Variants in RALGPS1 observed in about 807,000 individuals in gnomAD.
RALGPS1 encodes the protein Ral GEF with PH domain and SH3 binding motif 1, also known as ras-specific guanine nucleotide-releasing factor RalGPS1.
A neutral mutation model predicts 78.8 loss-of-function variants in RALGPS1; 19 were observed. The observed-to-expected ratio is 0.24, with a 90% CI of 0.17 to 0.35. The LOEUF (loss-of-function observed/expected upper bound fraction) is 0.35. Ranked by LOEUF, RALGPS1 falls within the 10% of genes least tolerant of loss-of-function variation. The pLI is 1.00. For synonymous variants in RALGPS1, 228 were observed against 256.3 expected (o/e 0.89, Z 1.06); for missense variants, 454 against 688.3 (o/e 0.66, Z 3.81).
At chr9:127,178,393 A>C (rs976315232) in intron 11 of RALGPS1, 3 of 886,892 alleles carry the variant, frequency 3.4e-6, no homozygotes, top group Non-Finnish European at 4.2e-6. Context: ...CAGTGTCTCT[A>C]TCTGTAAAGT....
At position 127,186,606 on chromosome 9, in the gene RALGPS1, C is replaced by T. The variant is rs545819071; in HGVS notation, c.911-8485C>T. ...AGGGTGTCACTTACTGGCAGAGAGG[C>T]CCCCCATCCCTGGGGCCCAGTTGAA... On this transcript the variant is annotated intron_variant, in intron 11 of 18. Coordinates refer to ENST00000259351, the MANE Select transcript of RALGPS1 (RefSeq NM_014636.3). 3.3e-5 allele frequency among the ~76,000 whole-genome samples: 5 copies of T among 152,292 alleles called. No homozygotes were observed. The East Asian group carries it at 7.7e-4, about 24-fold the overall frequency.
chr9:126,939,652 A>C (rs1234554418), intron 1 of RALGPS1, among the ~76,000 whole-genome samples: 1 of 152,248 alleles, frequency 6.6e-6, no homozygotes, highest in East Asian at 1.9e-4. Context: ...GGTAGATGGC[A>C]GAGCAGGATT....
intron 4 of RALGPS1, among the ~76,000 whole-genome samples, chr9:127,008,670 C>T (rs1041882276): frequency 1.3e-5 from 2 of 152,136 alleles, no homozygotes; most frequent in East Asian, 1.9e-4. Flanking sequence ...ATGGTACAGA[C>T]GGAGCTGGGT....
chr9:126,934,565 C>G (rs2036088234), intron 1 of RALGPS1, among the ~76,000 whole-genome samples: 1 of 152,200 alleles, frequency 6.6e-6, no homozygotes, highest in Non-Finnish European at 1.5e-5. Context: ...TTCAGGGCAT[C>G]AGGCAGCCTC....
intron 1 of RALGPS1, among the ~76,000 whole-genome samples, chr9:126,948,318 C>G (rs1277103878): frequency 6.6e-6 from 1 of 152,114 alleles, no homozygotes; most frequent in African/African-American, 2.4e-5. Context: ...GAGTTTAAGA[C>G]CAGCCTGGCC....
At chr9:127,097,415 A>G (rs1478012143) in intron 8 of RALGPS1, among the ~76,000 whole-genome samples, 3 of 152,234 alleles carry the variant, frequency 2.0e-5, no homozygotes, top group Non-Finnish European at 4.4e-5. Context: ...CATGACAATC[A>G]GGCCCCATTA....
intron 4 of RALGPS1, among the ~76,000 whole-genome samples, chr9:127,026,961 G>A (rs1415580980): frequency 1.3e-5 from 2 of 152,122 alleles, no homozygotes; most frequent in Non-Finnish European, 2.9e-5. Flanking sequence ...CAGCGGGTGG[G>A]GGTGCTGGCT....
intron 4 of RALGPS1, among the ~76,000 whole-genome samples, chr9:127,028,362 G>C (rs1273596654): frequency 6.6e-6 from 1 of 152,236 alleles, no homozygotes; most frequent in African/African-American, 2.4e-5. Flanking sequence ...CAAATTACCT[G>C]CTTGTTACAT....
At chr9:127,003,634 G>A (rs1198205928) in intron 4 of RALGPS1, among the ~76,000 whole-genome samples, 2 of 151,960 alleles carry the variant, frequency 1.3e-5, no homozygotes, top group Non-Finnish European at 2.9e-5. Context: ...TGGCTCGTAA[G>A]GTGTGTGTAT....
intron 8 of RALGPS1, 192 bp downstream of exon 8, chr9:127,069,548 T>C (rs1257887706): frequency 7.0e-6 from 4 of 570,882 alleles, no homozygotes; most frequent in South Asian, 6.5e-5. Context: ...TAGGGTGATA[T>C]ACAAGTGATG....
Position 127,069,605 on chromosome 9 carries a change from C to G in RALGPS1, c.610+249C>G, listed in dbSNP as rs567799295. Reference sequence around the variant, plus strand: ...CCTGTGGGCCCCAGGGTTCCCCAGGCTGCAGCCCAGATGGGTCACAATGAG... The same window carrying G: ...CCTGTGGGCCCCAGGGTTCCCCAGGGTGCAGCCCAGATGGGTCACAATGAG... On this transcript the variant is annotated intron_variant, in intron 8 of 18. Transcript: ENST00000259351. 1.3e-4 allele frequency: 55 copies of G among 410,276 alleles called. No individual in the cohort carries two copies. The South Asian group carries it at 1.4e-3, about 11-fold the overall frequency. The allele number at this position is 410,276 out of a possible 1,614,324, so 25.4% of individuals were successfully genotyped here.
intron 1 of RALGPS1, among the ~76,000 whole-genome samples, chr9:126,929,159 G>A (rs1016648094): frequency 5.3e-5 from 8 of 152,150 alleles, no homozygotes; most frequent in Non-Finnish European, 1.2e-4. Context: ...TATAATAAAT[G>A]TTTGAAATGA....
chr9:127,080,814 A>T (rs1007135225), intron 8 of RALGPS1, among the ~76,000 whole-genome samples: 1 of 152,252 alleles, frequency 6.6e-6, no homozygotes, highest in African/African-American at 2.4e-5. Context: ...CATGATGCTC[A>T]AAGAAAAGCC....
intron 4 of RALGPS1, among the ~76,000 whole-genome samples, chr9:127,012,201 T>C (rs530842569): frequency 3.9e-5 from 6 of 152,374 alleles, no homozygotes; most frequent in Admixed American, 1.3e-4. Context: ...GTGGAAAATA[T>C]GAAGTTTTTG....
At position 127,115,000 on chromosome 9, in the gene RALGPS1, G is replaced by A. The variant is rs543453747; in HGVS notation, c.610+45644G>A. 2.0e-5 allele frequency among the ~76,000 whole-genome samples: 3 copies of A among 152,324 alleles called. No individual in the cohort carries two copies. In the South Asian group the frequency reaches 6.2e-4, roughly 32 times the overall value. The stretch of plus-strand genomic sequence containing the variant: ...CCAGTTGGTAATCCAAGATGTGGGA[G>A]GGATCCAGATGAAGGAAAAGGCCCA... On this transcript the variant is annotated intron_variant, in intron 8 of 18. Transcript: ENST00000259351.
chr9:127,196,340 CT>C (rs2061346297), intron 12 of RALGPS1, 133 bp from the exon 13 acceptor site: 1 of 960,978 alleles, frequency 1.0e-6, no homozygotes, highest in South Asian at 1.7e-5. Flanking sequence ...AGGACAGAGC[CT>C]GGGCTGTACC....
chr9:126,928,851 C>T (rs1372973789), intron 1 of RALGPS1, among the ~76,000 whole-genome samples: 1 of 152,198 alleles, frequency 6.6e-6, no homozygotes, highest in Non-Finnish European at 1.5e-5. Context: ...ATCCACCCGC[C>T]TCGGCTTCCC....
chr9:127,095,432 A>G (rs959198183), intron 8 of RALGPS1, among the ~76,000 whole-genome samples: 3 of 152,188 alleles, frequency 2.0e-5, no homozygotes, highest in Non-Finnish European at 2.9e-5. Flanking sequence ...AATCCCCACA[A>G]TGAGACTGGT....
intron 11 of RALGPS1, among the ~76,000 whole-genome samples, chr9:127,185,965 T>A (rs996448457): frequency 3.3e-5 from 5 of 152,190 alleles, no homozygotes; most frequent in Non-Finnish European, 7.3e-5. Context: ...GGTGACCTAC[T>A]CAAGGTCACT....
Sources: allele counts gnomAD v4.1 joint callset (sites outside exome capture counted in the v4.1 genomes callset), GRCh38; gene constraint gnomAD v4.1.1; transcripts MANE v1.5; gene names NCBI Gene and HGNC (gene_info 2026-07-23, HGNC 2026-07-21).